The following TTF2 variants were observed in gnomAD, a reference collection of about 807,000 sequenced individuals.
The protein encoded by TTF2 is transcription termination factor 2.
TTF2 carries 108 observed loss-of-function variants against 142.4 expected under a neutral mutation model. That is an observed-to-expected ratio of 0.76 (90% CI 0.65 to 0.89). TTF2 has a LOEUF of 0.89. TTF2 is among the 40% of genes least tolerant of loss of function. TTF2 has a pLI of 0.00. For missense variants in TTF2, 1,327 were observed against 1,379.8 expected, an observed-to-expected ratio of 0.96 and a Z score of 0.61; for synonymous variants, 483 against 506.2, an observed-to-expected ratio of 0.95 and a Z score of 0.61.
rs1656780998 is a variant in TTF2 at position 117,073,883 on chromosome 1, CT to C, written c.285+160del. Among the ~76,000 whole-genome samples the C allele has an allele frequency of 6.6e-6, 1 of 152,152 alleles. No homozygotes were observed. Among genetic ancestry groups the C allele is most frequent in the Non-Finnish European group, 1.5e-5 (1 of 68,026 alleles). Reference sequence around the variant, plus strand: ...TTAAGCAAGGTAGGCCCTGTTGGGACTTTTATTCAAAGGATCATTTAGTCGT... The same window carrying C: ...TTAAGCAAGGTAGGCCCTGTTGGGACTTTATTCAAAGGATCATTTAGTCGT... On this transcript the variant is annotated intron_variant, in intron 4 of 22. Transcript: ENST00000369466. This position sits in a 1 kb window ranked among gnomAD's most constrained non-coding sequence, Gnocchi z 4.4.
chr1:117,090,431 C>A lies in TTF2; in HGVS notation c.2497-101C>A. On this transcript the variant is annotated intron_variant, in intron 14 of 22. Coordinates refer to ENST00000369466, the MANE Select transcript of TTF2 (RefSeq NM_003594.4). This position sits in a 1 kb window ranked among gnomAD's most constrained non-coding sequence, Gnocchi z 4.8. Reference sequence around the variant, plus strand: ...TCTAAGAAAGGGTGGAAGCTGCATTCCAGGGTTGACTAGATATGCAGTGTC... The same window carrying A: ...TCTAAGAAAGGGTGGAAGCTGCATTACAGGGTTGACTAGATATGCAGTGTC... 8.1e-7 allele frequency: 1 copy of A among 1,227,716 alleles called. No homozygotes were observed. The highest frequency in any genetic ancestry group is 1.4e-5 in the South Asian group (1 of 72,968). 76.1% of individuals were successfully genotyped at this position (1,227,716 alleles called of 1,614,324 possible).
rs1656782774 is a variant in TTF2, at chr1:117,073,913, C to T, written c.285+186C>T. On this transcript the variant is annotated intron_variant, in intron 4 of 22. Coordinates refer to ENST00000369466, the MANE Select transcript of TTF2 (RefSeq NM_003594.4). The surrounding 1 kb of genome is among the most constrained non-coding windows in gnomAD (Gnocchi z 4.4). ...ATTCAAAGGATCATTTAGTCGTAAT[C>T]AAGATTAATTATTTGCATCCTATTT... is the stretch of plus-strand genomic sequence containing the variant. Among the ~76,000 whole-genome samples, 1 of 152,132 alleles carries T rather than the reference C, an allele frequency of 6.6e-6. No homozygotes were observed. Among genetic ancestry groups the T allele is most frequent in the Non-Finnish European group, 1.5e-5 (1 of 68,030 alleles).
intron 2 of TTF2, 146 bp from the exon 3 acceptor site, chr1:117,062,241 T>C: frequency 1.5e-6 from 1 of 663,830 alleles, no homozygotes; most frequent in South Asian, 2.0e-5. Context: ...GGAATGCCCA[T>C]AGCTGTGATA....
At chr1:117,081,760 C>G in intron 9 of TTF2, 68 bp from the exon 10 acceptor site, 1 of 1,558,250 alleles carries the variant, frequency 6.4e-7, no homozygotes, top group Non-Finnish European at 8.7e-7. Flanking sequence ...AGTGGTTTCT[C>G]CTCTTGAACT....
intron 18 of TTF2, among the ~76,000 whole-genome samples, chr1:117,094,298 G>A (rs1648892059): frequency 6.6e-6 from 1 of 152,146 alleles, no homozygotes; most frequent in South Asian, 2.1e-4. Context: ...TGAGGACAGA[G>A]GAAGAACTTC....
Position 117,076,553 on chromosome 1 carries a change from C to T in TTF2, c.1391-88C>T, listed in dbSNP as rs1428864093. 4 of 1,341,074 alleles carry T rather than the reference C, an allele frequency of 3.0e-6. No individual in the cohort carries two copies. The highest frequency in any genetic ancestry group is 1.5e-5 in the South Asian group (1 of 68,872). 83.1% of individuals were successfully genotyped at this position (1,341,074 alleles called of 1,614,324 possible). On this transcript the variant is annotated intron_variant, in intron 6 of 22. Transcript: ENST00000369466. The surrounding 1 kb of genome is among the most constrained non-coding windows in gnomAD (Gnocchi z 4.6). ...AATCCTTCATCGGAATGGTGATGAT[C>T]CCTCTCTCTTGACCTCACCTCCACA...
intron 3 of TTF2, among the ~76,000 whole-genome samples, chr1:117,066,158 A>G (rs747975279): frequency 3.0e-4 from 45 of 151,836 alleles, no homozygotes; most frequent in Non-Finnish European, 5.4e-4. Context: ...TTTTACCTTC[A>G]TATAATTTGT....
chr1:117,071,871 A>G (rs1656604042), intron 3 of TTF2, among the ~76,000 whole-genome samples: 1 of 152,056 alleles, frequency 6.6e-6, no homozygotes, highest in African/African-American at 2.4e-5. Flanking sequence ...TGTAAATGTA[A>G]TTGTGTTTTT....
chr1:117,099,588 C>T lies in TTF2; in HGVS notation c.3344+681C>T, dbSNP rs189888821. On this transcript the variant is annotated intron_variant, in intron 22 of 22. Coordinates refer to ENST00000369466, the MANE Select transcript of TTF2 (RefSeq NM_003594.4). This position sits in a 1 kb window ranked among gnomAD's most constrained non-coding sequence, Gnocchi z 4.3. ...TTTATGACATTGACATTTTGATGAG[C>T]ATGAGCCAGTTATTTTGCAAAATGT... 6.6e-6 allele frequency among the ~76,000 whole-genome samples: 1 copy of T among 152,284 alleles called. No individual in the cohort carries two copies. Among genetic ancestry groups the T allele is most frequent in the Admixed American group, 6.5e-5 (1 of 15,292 alleles).
chr1:117,062,427 G>T lies in TTF2; in HGVS notation c.172G>T (p.Val58Leu), dbSNP rs375855192. The change falls in exon 3 of 23, where the codon GTA becomes TTA. Residue 58 changes from valine (V) to leucine (L), a missense_variant. By Grantham distance (32) the Val-to-Leu change is conservative (BLOSUM62 1). Transcript: ENST00000369466. Reference protein sequence around the residue: ...SHCLLHEDFVVELQGLLLPQD... With the variant: ...SHCLLHEDFVLELQGLLLPQD... ...TTGCTTATTGCATGAGGACTTTGTG[G>T]TAGAGCTTCAGGGTTTGCTTCTGCC... 6.2e-6 allele frequency: 10 copies of T among 1,612,784 alleles called. No homozygotes were observed. The highest frequency in any genetic ancestry group is 8.5e-6 in the Non-Finnish European group (10 of 1,179,834).
intron 10 of TTF2, chr1:117,082,159 T>A: frequency 1.6e-6 from 1 of 618,306 alleles, no homozygotes; most frequent in Non-Finnish European, 2.7e-6. Context: ...GCCTATAAAC[T>A]AGGCAGAATT....
intron 3 of TTF2, among the ~76,000 whole-genome samples, chr1:117,072,666 G>A (rs550215660): frequency 1.8e-4 from 27 of 152,116 alleles, no homozygotes; most frequent in African/African-American, 3.4e-4. Flanking sequence ...CTCGTGATCC[G>A]CCCACCTCAG....
chr1:117,101,531 G>A lies in TTF2; in HGVS notation c.*7G>A. On this transcript the variant is annotated 3_prime_UTR_variant, in exon 23 of 23. Transcript: ENST00000369466. The surrounding 1 kb of genome is among the most constrained non-coding windows in gnomAD (Gnocchi z 5.9). ...AGTCCTTTTTGGCATCTAACCTCCT[G>A]TGGATAAGGGCTCAGAATAGCACCA... 1 of 1,580,584 alleles carries A rather than the reference G, an allele frequency of 6.3e-7. No individual in the cohort carries two copies. Among genetic ancestry groups the A allele is most frequent in the Non-Finnish European group, 8.5e-7 (1 of 1,170,710 alleles).
In TTF2 at chr1:117,092,864, A is replaced by G. The variant is rs1165280223; in HGVS notation, c.2939A>G (p.Lys980Arg). The change falls in exon 18 of 23, where the codon AAG becomes AGG. Residue 980 changes from lysine (K) to arginine (R), a missense_variant. Coordinates refer to ENST00000369466, the MANE Select transcript of TTF2 (RefSeq NM_003594.4). This position sits in a 1 kb window ranked among gnomAD's most constrained non-coding sequence, Gnocchi z 4.4. ...GTTTCCCTTAACGGCACCTTCTTCA[A>G]GATGGAGCTTTTTGAAGGCATGCGA... is the stretch of plus-strand genomic sequence containing the variant. The part of the protein sequence containing the change: ...STVSLNGTFF[K>R]MELFEGMRES... 6.2e-7 allele frequency: 1 copy of G among 1,614,044 alleles called. No individual in the cohort carries two copies. Among genetic ancestry groups the G allele is most frequent in the Non-Finnish European group, 8.5e-7 (1 of 1,180,044 alleles).
rs1024740814 is a variant in TTF2 at position 117,063,882 on chromosome 1, A to T, written c.218+1409A>T. Among the ~76,000 whole-genome samples, 5 of 152,086 alleles carry T rather than the reference A, an allele frequency of 3.3e-5. No individual in the cohort carries two copies. Among genetic ancestry groups the T allele is most frequent in the Non-Finnish European group, 2.9e-5 (2 of 68,014 alleles). The stretch of plus-strand genomic sequence containing the variant: ...AAGGTAGTTTTACTTGAACTAATTT[A>T]TGTGTGTGTGTATATTCTATACAAT... On this transcript the variant is annotated intron_variant, in intron 3 of 22. Transcript: ENST00000369466. This position sits in a 1 kb window ranked among gnomAD's most constrained non-coding sequence, Gnocchi z 4.1.
In TTF2 at chr1:117,091,321, G is replaced by A; in HGVS notation, c.2589-7G>A. ...CATGCATTTTTTTTCTTTTTAATCT[G>A]AGGCAGGTCAGCTCTGCAATCCTAT... On this transcript the variant is annotated splice_region_variant and splice_polypyrimidine_tract_variant and intron_variant, in intron 15 of 22. Transcript: ENST00000369466. 1 of 1,605,402 alleles carries A rather than the reference G, an allele frequency of 6.2e-7. No homozygotes were observed. The highest frequency in any genetic ancestry group is 8.5e-7 in the Non-Finnish European group (1 of 1,178,060).
intron 2 of TTF2, 40 bp from the exon 3 acceptor site, chr1:117,062,347 C>T: frequency 6.3e-7 from 1 of 1,584,988 alleles, no homozygotes; most frequent in Non-Finnish European, 8.6e-7. Context: ...GATCTCTGTT[C>T]CTGACCTAAA....
chr1:117,077,942 G>A lies in TTF2; in HGVS notation c.1600G>A (p.Ala534Thr). Reference sequence around the variant, plus strand: ...CCATACAAACCAAGATCACGTTCATGCAGTGTGGAAAATCACAAGTGAAGC... The same window carrying A: ...CCATACAAACCAAGATCACGTTCATACAGTGTGGAAAATCACAAGTGAAGC... ...RGHTNQDHVH[A>T]VWKITSEAIG... is the part of the protein sequence containing the mutation. The change falls in exon 8 of 23, where the codon GCA becomes ACA. Residue 534 changes from alanine (A) to threonine (T), a missense_variant. By Grantham distance (58) the Ala-to-Thr change is moderately conservative. Transcript: ENST00000369466. 6.2e-7 allele frequency: 1 copy of A among 1,614,194 alleles called. No individual in the cohort carries two copies. Among genetic ancestry groups the A allele is most frequent in the Non-Finnish European group, 8.5e-7 (1 of 1,180,030 alleles).
Position 117,076,628 on chromosome 1 carries a change from G to C in TTF2, c.1391-13G>C, listed in dbSNP as rs1570819071. 6.3e-7 allele frequency: 1 copy of C among 1,598,508 alleles called. No individual in the cohort carries two copies. Among genetic ancestry groups the C allele is most frequent in the African/African-American group, 1.3e-5 (1 of 74,682 alleles). On this transcript the variant is annotated splice_polypyrimidine_tract_variant and intron_variant, in intron 6 of 22. Transcript: ENST00000369466. This position sits in a 1 kb window ranked among gnomAD's most constrained non-coding sequence, Gnocchi z 4.6. ...CTGAACTTTAATCTGCTCTTCCCTT[G>C]TTTTCTGAGCAGGAACTAATGAGAA...
Sources: gnomAD v4.1 joint callset for allele counts (sites outside exome capture counted in the v4.1 genomes callset) on GRCh38, gnomAD v4.1.1 for gene constraint, Gnocchi (gnomAD v3.1) non-coding constraint, MANE v1.5 for transcripts, NCBI Gene and HGNC (gene_info 2026-07-23, HGNC 2026-07-21) for gene names.